SPMIP2: variants seen among roughly 807,000 people sequenced by gnomAD.
SPMIP2 encodes protein SPMIP2.
At chr4:158,927,538 T>C in the SPMIP2 span, among the ~76,000 whole-genome samples, 4 of 152,256 alleles carry the variant, frequency 2.6e-5, no homozygotes, top group Admixed American at 6.5e-5. Flanking sequence ...GACAGCGTGC[T>C]GGCAGTCCTC....
chr4:159,069,054 G>C, the SPMIP2 span, among the ~76,000 whole-genome samples: 1 of 152,170 alleles, frequency 6.6e-6, no homozygotes, highest in Admixed American at 6.5e-5. Context: ...TATAATCCCA[G>C]CACTTTGGGA....
At chr4:159,039,577 T>G in the SPMIP2 span, among the ~76,000 whole-genome samples, 406 of 152,352 alleles carry the variant, frequency 2.7e-3, 1 homozygote, top group African/African-American at 8.7e-3. Flanking sequence ...TTGTACATGC[T>G]GCACAACAGG....
the SPMIP2 span, chr4:158,893,763 A>C: frequency 7.3e-7 from 1 of 1,378,962 alleles, no homozygotes; most frequent in Non-Finnish European, 1.0e-6. Flanking sequence ...TTACTTCATA[A>C]GTATTTGCCA....
chr4:158,902,189 G>A, the SPMIP2 span, among the ~76,000 whole-genome samples: 3 of 152,182 alleles, frequency 2.0e-5, no homozygotes, highest in Non-Finnish European at 2.9e-5. Context: ...CGTCCTTTTT[G>A]TTGATGTTGA....
chr4:159,008,930 A>C, the SPMIP2 span, among the ~76,000 whole-genome samples: 1 of 152,224 alleles, frequency 6.6e-6, no homozygotes. Flanking sequence ...GAATTTGAGA[A>C]ACATTGTATT....
the SPMIP2 span, among the ~76,000 whole-genome samples, chr4:159,079,608 G>A: frequency 8.5e-5 from 13 of 152,124 alleles, no homozygotes; most frequent in African/African-American, 3.1e-4. Context: ...TGTTTTCATG[G>A]CAAATTGTTT....
the SPMIP2 span, among the ~76,000 whole-genome samples, chr4:158,959,442 AT>A: frequency 0.66 from 99,964 of 151,986 alleles, 33,123 homozygotes; most frequent in South Asian, 0.8. Context: ...CCACTAAGGT[AT>A]TTTTTTTGTT....
the SPMIP2 span, among the ~76,000 whole-genome samples, chr4:159,050,921 A>C: frequency 7.9e-5 from 12 of 152,248 alleles, no homozygotes; most frequent in East Asian, 2.3e-3. Context: ...ATCCTGGCCA[A>C]CATGGTGAAA....
the SPMIP2 span, among the ~76,000 whole-genome samples, chr4:159,039,185 T>TG: frequency 6.6e-6 from 1 of 152,112 alleles, no homozygotes; most frequent in South Asian, 2.1e-4. Context: ...GCAATCCTCC[T>TG]GACTCAGGCT....
the SPMIP2 span, among the ~76,000 whole-genome samples, chr4:159,004,104 C>A: frequency 5.9e-5 from 9 of 151,912 alleles, no homozygotes; most frequent in Non-Finnish European, 1.2e-4. Flanking sequence ...GCAACCTCTA[C>A]CTCCCGGGTT....
At chr4:158,960,939 T>C in the SPMIP2 span, among the ~76,000 whole-genome samples, 1 of 121,740 alleles carries the variant, frequency 8.2e-6, no homozygotes, top group Admixed American at 1.1e-4. Flanking sequence ...ACTGAATGAA[T>C]GACTGCTATA....
the SPMIP2 span, among the ~76,000 whole-genome samples, chr4:158,991,854 GT>G: frequency 1 from 151,891 of 152,102 alleles, 75,841 homozygotes; most frequent in East Asian, 1. Flanking sequence ...GTTTAAGCCA[GT>G]TTTTTTTTAA....
chr4:158,910,125 C>T, the SPMIP2 span, among the ~76,000 whole-genome samples: 1 of 152,198 alleles, frequency 6.6e-6, no homozygotes, highest in Non-Finnish European at 1.5e-5. Context: ...ACATGACCCT[C>T]CTGCCTCAGC....
At chr4:158,969,607 G>A in the SPMIP2 span, among the ~76,000 whole-genome samples, 1 of 152,176 alleles carries the variant, frequency 6.6e-6, no homozygotes, top group Non-Finnish European at 1.5e-5. Context: ...ACTCAGCATG[G>A]AAGTTATTAT....
chr4:158,928,542 G>C, the SPMIP2 span, among the ~76,000 whole-genome samples: 10 of 152,092 alleles, frequency 6.6e-5, no homozygotes, highest in African/African-American at 2.2e-4. Context: ...CTCAGGGATT[G>C]TAAACGCACC....
At chr4:158,998,780 T>A in the SPMIP2 span, among the ~76,000 whole-genome samples, 2 of 152,244 alleles carry the variant, frequency 1.3e-5, no homozygotes, top group African/African-American at 4.8e-5. Flanking sequence ...GTAATGATGG[T>A]AATTATGATG....
chr4:158,980,243 G>A, the SPMIP2 span, among the ~76,000 whole-genome samples: 1 of 152,306 alleles, frequency 6.6e-6, no homozygotes, highest in African/African-American at 2.4e-5. Flanking sequence ...CCCTGGGACA[G>A]AGCATATGGG....
the SPMIP2 span, among the ~76,000 whole-genome samples, chr4:158,954,978 A>C: frequency 6.6e-6 from 1 of 152,118 alleles, no homozygotes; most frequent in Non-Finnish European, 1.5e-5. Context: ...TGAAATTAGA[A>C]ATACTGTAGG....
At chr4:159,081,733 G>T in the SPMIP2 span, among the ~76,000 whole-genome samples, 1 of 151,728 alleles carries the variant, frequency 6.6e-6, no homozygotes. Context: ...AAGAAAATGT[G>T]ATTTTAAAGC....
Sources: gnomAD v4.1 joint callset for allele counts (sites outside exome capture counted in the v4.1 genomes callset) on GRCh38, gnomAD v4.1.1 for gene constraint, MANE v1.5 for transcripts, NCBI Gene and HGNC (gene_info 2026-07-23, HGNC 2026-07-21) for gene names.